The following FARS2 variants were observed in gnomAD, a reference collection of about 807,000 sequenced individuals.
The protein encoded by FARS2 is phenylalanine--tRNA ligase, mitochondrial.
FARS2 carries 40 observed loss-of-function variants against 46.4 expected under a neutral mutation model. The ratio of observed to expected loss-of-function variants is 0.86; its 90% confidence interval spans 0.67 to 1.12. The LOEUF (loss-of-function observed/expected upper bound fraction) is 1.12. Ranked by LOEUF, FARS2 falls within the 50% of genes most tolerant of loss-of-function variation. The pLI is 0.00. For synonymous variants in FARS2, 234 were observed against 214.9 expected, an observed-to-expected ratio of 1.09 and a Z score of -0.78; for missense variants, 513 against 567.9, an observed-to-expected ratio of 0.90 and a Z score of 0.98.
intron 1 of FARS2, among the ~76,000 whole-genome samples, chr6:5,287,778 C>T (rs951242186): frequency 1.3e-5 from 2 of 152,132 alleles, no homozygotes; most frequent in African/African-American, 4.8e-5. Context: ...CGGGGAATTC[C>T]TTAAGATGCG....
chr6:5,294,945 G>T (rs1177583767), intron 1 of FARS2, among the ~76,000 whole-genome samples: 1 of 152,126 alleles, frequency 6.6e-6, no homozygotes, highest in African/African-American at 2.4e-5. Context: ...AAAGCTGAGG[G>T]AACATACAGT....
intron 5 of FARS2, among the ~76,000 whole-genome samples, chr6:5,555,168 G>A (rs1432338116): frequency 2.0e-5 from 3 of 152,002 alleles, no homozygotes; most frequent in Non-Finnish European, 4.4e-5. Flanking sequence ...CTGCTTTTAC[G>A]TCTTCCTCAT....
At chr6:5,377,256 C>A (rs961568028) in intron 2 of FARS2, among the ~76,000 whole-genome samples, 38 of 152,306 alleles carry the variant, frequency 2.5e-4, no homozygotes, top group African/African-American at 8.9e-4. Flanking sequence ...CCTGGTGGCA[C>A]CTTGTCGTGT....
intron 1 of FARS2, among the ~76,000 whole-genome samples, chr6:5,309,534 G>A (rs1768946003): frequency 6.6e-6 from 1 of 152,146 alleles, no homozygotes; most frequent in African/African-American, 2.4e-5. Flanking sequence ...TAAAGGTGGG[G>A]GAGTTTGGAA....
In FARS2 at chr6:5,584,332, G is replaced by T. The variant is rs1006378862; in HGVS notation, c.1066-28837G>T. Among the ~76,000 whole-genome samples the T allele has an allele frequency of 1.6e-4, 25 of 152,006 alleles. 1 individual carries two copies. The highest frequency in any genetic ancestry group is 2.9e-5 in the Non-Finnish European group (2 of 68,010). ...ATTGCTAGATTCCCTTAAAGAATTGGGTAATTTTTGCAACATCATCATTTC... is the reference window on the plus strand; with the variant it reads ...ATTGCTAGATTCCCTTAAAGAATTGTGTAATTTTTGCAACATCATCATTTC... On this transcript the variant is annotated intron_variant, in intron 5 of 6. Transcript: ENST00000274680.
At chr6:5,588,301 G>A (rs1199546607) in intron 5 of FARS2, among the ~76,000 whole-genome samples, 3 of 152,042 alleles carry the variant, frequency 2.0e-5, no homozygotes, top group Non-Finnish European at 4.4e-5. Context: ...CTTCTCCTCG[G>A]GACCACGCTG....
At chr6:5,571,164 A>G (rs937810028) in intron 5 of FARS2, among the ~76,000 whole-genome samples, 1 of 152,254 alleles carries the variant, frequency 6.6e-6, no homozygotes. Flanking sequence ...CAAATGAGGT[A>G]GAACCTCAAA....
At chr6:5,444,705 G>C (rs183362025) in intron 4 of FARS2, among the ~76,000 whole-genome samples, 6 of 152,216 alleles carry the variant, frequency 3.9e-5, no homozygotes, top group East Asian at 3.9e-4. Flanking sequence ...ATGGATGGCT[G>C]TGTGGGTGGG....
intron 6 of FARS2, among the ~76,000 whole-genome samples, chr6:5,739,425 T>C (rs774339752): frequency 6.6e-6 from 1 of 152,148 alleles, no homozygotes; most frequent in Non-Finnish European, 1.5e-5. Context: ...CACCTGCCTG[T>C]TGTTTGACCA....
intron 2 of FARS2, among the ~76,000 whole-genome samples, chr6:5,385,273 C>T (rs1760041902): frequency 6.6e-6 from 1 of 152,182 alleles, no homozygotes; most frequent in Non-Finnish European, 1.5e-5. Flanking sequence ...TCTGTCTATT[C>T]ATCTTACTAA....
At chr6:5,362,965 C>T (rs1324332106) in intron 1 of FARS2, among the ~76,000 whole-genome samples, 2 of 130,066 alleles carry the variant, frequency 1.5e-5, no homozygotes, top group Non-Finnish European at 3.1e-5. Context: ...CTCACTCTGT[C>T]GCCCAGGCTG....
chr6:5,769,086 T>C (rs1762894621), intron 6 of FARS2, among the ~76,000 whole-genome samples: 2 of 152,234 alleles, frequency 1.3e-5, no homozygotes. Flanking sequence ...TCTGTTTTCT[T>C]CTAAGAGTGA....
At chr6:5,392,342 T>G (rs921565974) in intron 2 of FARS2, among the ~76,000 whole-genome samples, 1 of 152,198 alleles carries the variant, frequency 6.6e-6, no homozygotes, top group African/African-American at 2.4e-5. Flanking sequence ...GAACTGCTGC[T>G]TTTCCTTATT....
chr6:5,280,964 A>G (rs1416680313), intron 1 of FARS2, among the ~76,000 whole-genome samples: 1 of 152,146 alleles, frequency 6.6e-6, no homozygotes, highest in Non-Finnish European at 1.5e-5. Context: ...TTTGATTTAT[A>G]TTATTTTAAT....
intron 1 of FARS2, among the ~76,000 whole-genome samples, chr6:5,324,827 C>T (rs1770247622): frequency 6.6e-6 from 1 of 152,124 alleles, no homozygotes; most frequent in South Asian, 2.1e-4. Context: ...GTGTACTTCA[C>T]ACTGTGCAGG....
At chr6:5,387,334 C>G (rs1056311777) in intron 2 of FARS2, among the ~76,000 whole-genome samples, 5 of 152,134 alleles carry the variant, frequency 3.3e-5, no homozygotes, top group Non-Finnish European at 7.3e-5. Flanking sequence ...CACCCTTTTC[C>G]TGTTGTTACA....
rs756604628 is a variant in FARS2, at chr6:5,532,783, TAAGAAGAAGAAG to T, written c.905-12379_905-12368del. Among the ~76,000 whole-genome samples the T allele has an allele frequency of 1.4e-4, 19 of 138,750 alleles. 2 individuals carry two copies. The highest frequency in any genetic ancestry group is 5.2e-4 in the African/African-American group (17 of 32,906). 91.0% of individuals were successfully genotyped at this position (138,750 alleles called of 152,430 possible). On this transcript the variant is annotated intron_variant, in intron 4 of 6. Coordinates refer to ENST00000274680, the MANE Select transcript of FARS2 (RefSeq NM_006567.5). Reference sequence around the variant, plus strand: ...GTAGTAGTAATAATAATAATAATAATAAGAAGAAGAAGAAGAAGAAGAAGAAGAATGTTAATT... The same window carrying T: ...GTAGTAGTAATAATAATAATAATAATAAGAAGAAGAAGAAGAATGTTAATT...
chr6:5,434,029 C>T (rs7758034), intron 4 of FARS2, among the ~76,000 whole-genome samples: 14 of 152,100 alleles, frequency 9.2e-5, no homozygotes, highest in East Asian at 1.9e-4. Context: ...ACACCTAAGT[C>T]GTAAATATGT....
At chr6:5,694,721 C>T (rs1236416779) in intron 6 of FARS2, among the ~76,000 whole-genome samples, 3 of 151,570 alleles carry the variant, frequency 2.0e-5, no homozygotes, top group Admixed American at 6.6e-5. Context: ...TGCCATGTAA[C>T]GGCCAGGTGC....
Sources: gnomAD v4.1 joint callset for allele counts (sites outside exome capture counted in the v4.1 genomes callset) on GRCh38, gnomAD v4.1.1 for gene constraint, MANE v1.5 for transcripts, NCBI Gene and HGNC (gene_info 2026-07-23, HGNC 2026-07-21) for gene names.